NOL4: variants seen among roughly 807,000 people sequenced by gnomAD.
The protein encoded by NOL4 is cancer/testis antigen 125.
In NOL4, 17 loss-of-function variants were observed where a neutral mutation model predicts 75.9. The ratio of observed to expected loss-of-function variants is 0.22; its 90% confidence interval spans 0.15 to 0.34. The LOEUF (loss-of-function observed/expected upper bound fraction) is 0.34, where lower values mean the gene tolerates loss of function less well. NOL4 is among the 10% of genes least tolerant of loss of function. NOL4 has a pLI of 1.00. For synonymous variants in NOL4, 292 were observed against 289.9 expected, an observed-to-expected ratio of 1.01 and a Z score of -0.07; for missense variants, 614 against 793.5, an observed-to-expected ratio of 0.77 and a Z score of 2.72.
chr18:33,962,714 A>T lies in NOL4; in HGVS notation c.1057-4296T>A, dbSNP rs559630079. 1.3e-4 allele frequency among the ~76,000 whole-genome samples: 20 copies of T among 152,276 alleles called. No individual in the cohort carries two copies. The South Asian group carries it at 4.1e-3, about 32-fold the overall frequency. ...AGGAAAATATTCCATAGGTTTGAAA[A>T]GTCTATCTTTTTAAATCTAAAATGT... is the stretch of plus-strand genomic sequence containing the variant. On this transcript the variant is annotated intron_variant, in intron 6 of 10. Transcript: ENST00000261592.
chr18:33,941,598 C>CACCAGGCAAAATGCTAAGT (rs1269235153), intron 9 of NOL4, among the ~76,000 whole-genome samples: 8 of 151,890 alleles, frequency 5.3e-5, no homozygotes, highest in Non-Finnish European at 8.8e-5. Context: ...GCTTACTATG[C>CACCAGGCAAAATGCTAAGT]ACCAGGCAAA....
chr18:33,890,107 G>C (rs1568016107), intron 9 of NOL4, among the ~76,000 whole-genome samples: 1 of 152,146 alleles, frequency 6.6e-6, no homozygotes, highest in Non-Finnish European at 1.5e-5. Context: ...GTCTCTGTTT[G>C]CAGATGACAT....
intron 1 of NOL4, among the ~76,000 whole-genome samples, chr18:34,196,713 T>C (rs1403317220): frequency 6.6e-6 from 1 of 152,092 alleles, no homozygotes; most frequent in Non-Finnish European, 1.5e-5. Context: ...TCCCTTACAA[T>C]AGTTTAACTT....
Position 33,989,284 on chromosome 18 carries a change from C to T in NOL4, c.1056+30034G>A, listed in dbSNP as rs866997916. On this transcript the variant is annotated intron_variant, in intron 6 of 10. Transcript: ENST00000261592. ...GCTGGTTAGTGATATTAAAGGGATA[C>T]GCTGCCATTCACCATTGCATCCTAG... 1.1e-4 allele frequency among the ~76,000 whole-genome samples: 17 copies of T among 150,336 alleles called. No homozygotes were observed. The East Asian group carries it at 1.2e-3, about 10-fold the overall frequency.
chr18:34,057,526 G>A (rs966150136), intron 5 of NOL4, among the ~76,000 whole-genome samples: 2 of 152,144 alleles, frequency 1.3e-5, no homozygotes, highest in African/African-American at 4.8e-5. Context: ...AGGAGTGTGG[G>A]TAAATGGCCT....
intron 1 of NOL4, among the ~76,000 whole-genome samples, chr18:34,143,264 T>C (rs1206271976): frequency 6.6e-6 from 1 of 152,124 alleles, no homozygotes; most frequent in Non-Finnish European, 1.5e-5. Context: ...CTTGAAAACA[T>C]ACATAATACA....
At chr18:34,211,466 C>A in intron 1 of NOL4, among the ~76,000 whole-genome samples, 1 of 152,162 alleles carries the variant, frequency 6.6e-6, no homozygotes, top group East Asian at 1.9e-4. Context: ...GCTAGTATGA[C>A]CAGGCTAGGC....
chr18:33,912,285 A>G (rs2066455931), intron 9 of NOL4, among the ~76,000 whole-genome samples: 1 of 152,044 alleles, frequency 6.6e-6, no homozygotes, highest in Non-Finnish European at 1.5e-5. Flanking sequence ...TCATTATAGT[A>G]GCATTTTGGA....
chr18:33,966,948 A>G (rs1478574138), intron 6 of NOL4, among the ~76,000 whole-genome samples: 2 of 152,194 alleles, frequency 1.3e-5, no homozygotes, highest in Non-Finnish European at 2.9e-5. Context: ...CAAATTTCCA[A>G]TGACATTTTT....
At chr18:34,020,419 G>C (rs1275672285) in intron 5 of NOL4, among the ~76,000 whole-genome samples, 2 of 152,156 alleles carry the variant, frequency 1.3e-5, no homozygotes, top group Non-Finnish European at 2.9e-5. Context: ...ATGTGCATCA[G>C]TATTAGCTGA....
chr18:34,118,369 G>A (rs190496440), intron 2 of NOL4, among the ~76,000 whole-genome samples: 1 of 152,070 alleles, frequency 6.6e-6, no homozygotes, highest in African/African-American at 2.4e-5. Flanking sequence ...CTAGATTTGA[G>A]AAAATTTGTA....
At chr18:33,856,606 T>C in intron 10 of NOL4, among the ~76,000 whole-genome samples, 1 of 152,024 alleles carries the variant, frequency 6.6e-6, no homozygotes, top group East Asian at 1.9e-4. Context: ...GACTATGAAA[T>C]GTCTGGATAA....
At chr18:33,856,673 C>T (rs574054820) in intron 10 of NOL4, among the ~76,000 whole-genome samples, 213 of 152,122 alleles carry the variant, frequency 1.4e-3, no homozygotes, top group Non-Finnish European at 2.5e-3. Context: ...TAATTCTTTA[C>T]TACAGGGGTT....
At chr18:33,973,516 C>A (rs2071241490) in intron 6 of NOL4, among the ~76,000 whole-genome samples, 1 of 152,134 alleles carries the variant, frequency 6.6e-6, no homozygotes, top group Non-Finnish European at 1.5e-5. Flanking sequence ...GGAAGGTTTT[C>A]AATTTACCTT....
chr18:34,012,710 G>C (rs2146342858), intron 6 of NOL4, among the ~76,000 whole-genome samples: 1 of 152,022 alleles, frequency 6.6e-6, no homozygotes, highest in African/African-American at 2.4e-5. Context: ...TATGATAGAG[G>C]CATCTGTTAC....
intron 6 of NOL4, among the ~76,000 whole-genome samples, chr18:33,991,131 G>A (rs964333381): frequency 6.6e-6 from 1 of 151,566 alleles, no homozygotes; most frequent in African/African-American, 2.4e-5. Flanking sequence ...ATATCCTTAA[G>A]CATCCTCTCA....
At chr18:33,863,814 A>G (rs1183765335) in intron 10 of NOL4, among the ~76,000 whole-genome samples, 2 of 152,066 alleles carry the variant, frequency 1.3e-5, no homozygotes, top group Non-Finnish European at 2.9e-5. Context: ...TTTCCCTTCC[A>G]CACAGCCCTA....
intron 5 of NOL4, among the ~76,000 whole-genome samples, chr18:34,025,364 GTA>G (rs1261620084): frequency 6.6e-6 from 1 of 152,152 alleles, no homozygotes; most frequent in Non-Finnish European, 1.5e-5. Context: ...TGGGTCAAGT[GTA>G]TGTTTGGAAA....
chr18:34,048,432 C>T, intron 5 of NOL4: 9 of 985,038 alleles, frequency 9.1e-6, no homozygotes, highest in Non-Finnish European at 1.1e-5. Flanking sequence ...GAGGAGCTGA[C>T]ACTTACTGTG....
Sources: gnomAD v4.1 joint callset for allele counts (sites outside exome capture counted in the v4.1 genomes callset) on GRCh38, gnomAD v4.1.1 for gene constraint, MANE v1.5 for transcripts, NCBI Gene and HGNC (gene_info 2026-07-23, HGNC 2026-07-21) for gene names.